GRK4: variants seen among roughly 807,000 people sequenced by gnomAD.
The protein encoded by GRK4 is G protein-coupled receptor kinase 2-like.
In GRK4, 73 loss-of-function variants were observed where a neutral mutation model predicts 77.9. The observed-to-expected ratio is 0.94, with a 90% CI of 0.78 to 1.14. The LOEUF (loss-of-function observed/expected upper bound fraction) is 1.14, where lower values mean the gene tolerates loss of function less well. Among genes scored for constraint, GRK4 ranks in the 50% most tolerant of loss-of-function variants. The pLI, the probability that GRK4 is intolerant of heterozygous loss-of-function variation, is 0.00. For synonymous variants in GRK4, 257 were observed against 254.4 expected (o/e 1.01, Z -0.10); for missense variants, 729 against 700.2 (o/e 1.04, Z -0.46).
intron 10 of GRK4, among the ~76,000 whole-genome samples, chr4:3,024,973 T>C (rs763155653): frequency 1.1e-4 from 17 of 152,050 alleles, no homozygotes; most frequent in Non-Finnish European, 8.8e-5. Context: ...CTCAAATTAA[T>C]TTAAAGTCAC....
intron 7 of GRK4, among the ~76,000 whole-genome samples, chr4:3,010,101 C>A (rs756199543): frequency 1.4e-4 from 21 of 152,110 alleles, no homozygotes; most frequent in Non-Finnish European, 7.4e-5. Context: ...ACTTACGTAA[C>A]CCTACTCTGT....
At chr4:2,964,723 A>T (rs1035194339) in intron 1 of GRK4, among the ~76,000 whole-genome samples, 1 of 152,200 alleles carries the variant, frequency 6.6e-6, no homozygotes, top group African/African-American at 2.4e-5. Context: ...GTGAGGCAGA[A>T]ATTTAAAAAT....
chr4:2,991,878 A>G (rs1398343004), intron 3 of GRK4, among the ~76,000 whole-genome samples: 2 of 152,046 alleles, frequency 1.3e-5, no homozygotes, highest in African/African-American at 4.8e-5. Flanking sequence ...ATTGCTCTAA[A>G]ACTTCATTAA....
chr4:3,030,452 G>T (rs982218392), intron 12 of GRK4, among the ~76,000 whole-genome samples: 1 of 152,068 alleles, frequency 6.6e-6, no homozygotes, highest in African/African-American at 2.4e-5. Context: ...ATTCAACAAG[G>T]ATTTATTGAG....
chr4:2,965,709 A>C, intron 1 of GRK4: 1 of 486,394 alleles, frequency 2.1e-6, no homozygotes, highest in Non-Finnish European at 3.7e-6. Context: ...TCATCTTCTC[A>C]GTATTTTTGT....
intron 4 of GRK4, among the ~76,000 whole-genome samples, chr4:3,001,369 ATTT>A (rs55673089): frequency 0.13 from 10,128 of 76,794 alleles, 549 homozygotes; most frequent in Middle Eastern, 0.22. Context: ...ATATATATAT[ATTT>A]TTTTTTTTTT....
intron 4 of GRK4, among the ~76,000 whole-genome samples, chr4:3,001,007 C>G (rs1428684414): frequency 6.6e-6 from 1 of 150,600 alleles, no homozygotes; most frequent in East Asian, 1.9e-4. Flanking sequence ...GATGCAGGTG[C>G]ACTGGAGAGG....
intron 13 of GRK4, 82 bp downstream of exon 13, chr4:3,035,605 A>T: frequency 6.9e-7 from 1 of 1,453,124 alleles, no homozygotes; most frequent in Non-Finnish European, 9.3e-7. Flanking sequence ...TTTCAAAAAT[A>T]GAGATGGGGG....
intron 4 of GRK4, among the ~76,000 whole-genome samples, chr4:2,994,938 C>T (rs959210894): frequency 5.9e-5 from 9 of 152,128 alleles, no homozygotes; most frequent in African/African-American, 2.2e-4. Context: ...CCCCACATCC[C>T]CCATCCTCCA....
In GRK4 at chr4:2,964,049, C is replaced by T; in HGVS notation, c.-22C>T. 1 of 1,602,618 alleles carries T rather than the reference C, an allele frequency of 6.2e-7. No homozygotes were observed. Among genetic ancestry groups the T allele is most frequent in the Non-Finnish European group, 8.5e-7 (1 of 1,175,494 alleles). On this transcript the variant is annotated 5_prime_UTR_variant, in exon 1 of 16. Transcript: ENST00000398052. ...AGTCTCCTCGGTCTCGCAGAATCCG[C>T]CGGCGGCGGCGGCGCCAGGACATGG...
At chr4:2,973,419 C>A (rs1720162697) in intron 1 of GRK4, among the ~76,000 whole-genome samples, 1 of 152,162 alleles carries the variant, frequency 6.6e-6, no homozygotes, top group Non-Finnish European at 1.5e-5. Context: ...GCAGGCTGGG[C>A]CTCTCCACTC....
Position 2,964,008 on chromosome 4 carries a change from C to A in GRK4, c.-63C>A. The A allele has an allele frequency of 6.7e-7, 1 of 1,490,308 alleles. No individual in the cohort carries two copies. The highest frequency in any genetic ancestry group is 1.8e-5 in the Admixed American group (1 of 54,690). The allele number at this position is 1,490,308 out of a possible 1,614,324, so 92.3% of individuals were successfully genotyped here. A position where few individuals can be genotyped will look rare whatever the true frequency, so the allele number is the denominator to read the frequency against. On this transcript the variant is annotated 5_prime_UTR_variant, in exon 1 of 16. Transcript: ENST00000398052. Reference sequence around the variant, plus strand: ...ATGCACGGGGGCGGCGGCGTCTCCTCCTGTTCCGCCTCCTCAGTCTCCTCG... The same window carrying A: ...ATGCACGGGGGCGGCGGCGTCTCCTACTGTTCCGCCTCCTCAGTCTCCTCG...
At chr4:2,984,213 T>C (rs1230977644) in intron 1 of GRK4, among the ~76,000 whole-genome samples, 1 of 152,208 alleles carries the variant, frequency 6.6e-6, no homozygotes, top group African/African-American at 2.4e-5. Flanking sequence ...ATTTCTTTGA[T>C]AAATACTTAT....
chr4:3,022,913 C>G (rs1243020794), intron 10 of GRK4, among the ~76,000 whole-genome samples: 2 of 152,130 alleles, frequency 1.3e-5, no homozygotes, highest in Non-Finnish European at 2.9e-5. Flanking sequence ...TGTTCTCAAA[C>G]TACTGCCCTC....
chr4:3,036,641 C>T (rs1740722629), intron 13 of GRK4, among the ~76,000 whole-genome samples: 1 of 152,244 alleles, frequency 6.6e-6, no homozygotes, highest in South Asian at 2.1e-4. Flanking sequence ...TCCTGCCTGC[C>T]TGACCCTCTG....
intron 2 of GRK4, among the ~76,000 whole-genome samples, chr4:2,987,495 G>A (rs967116087): frequency 5.3e-5 from 8 of 152,166 alleles, no homozygotes; most frequent in East Asian, 3.8e-4. Flanking sequence ...TGGATATTGC[G>A]TGGACATACC....
intron 4 of GRK4, among the ~76,000 whole-genome samples, chr4:3,000,931 C>T (rs1015674509): frequency 6.6e-6 from 1 of 151,746 alleles, no homozygotes; most frequent in African/African-American, 2.4e-5. Context: ...AGCCTTGCTG[C>T]ATAGAAAGAA....
chr4:3,037,492 C>G lies in GRK4; in HGVS notation c.1526C>G (p.Ser509Cys). Residue 509 changes from serine (S) to cysteine (C), a missense_variant, in exon 14 of 16, where the codon TCC (serine) becomes TGC (cysteine). Physicochemically the swap from Ser to Cys is moderately radical, Grantham distance 112 (BLOSUM62 -1). Transcript: ENST00000398052. ...GCTCGGTTTGCTACCGGGTGTGTCT[C>G]CATCCCCTGGCAGAATGAGGTACTG... ...FYARFATGCV[S>C]IPWQNEMIES... 6.2e-7 allele frequency: 1 copy of G among 1,606,862 alleles called. No individual in the cohort carries two copies.
rs377190005 is a variant in GRK4 at position 3,027,943 on chromosome 4, C to G, written c.1002C>G (p.Ala334=). The part of the protein sequence containing the change: ...GHIRISDLGL[A]TEIPEGQRVR... ...TCCGGATTTCAGACCTCGGTTTGGC[C>G]ACAGAGATCCCAGAAGGACAGAGGG... The change falls in exon 11 of 16, where the codon GCC becomes GCG. Residue 334 remains alanine (A), a synonymous_variant. Coordinates refer to ENST00000398052, the MANE Select transcript of GRK4 (RefSeq NM_182982.3). The G allele has an allele frequency of 2.1e-4, 346 of 1,613,964 alleles. 1 individual carries two copies. The highest frequency in any genetic ancestry group is 2.7e-4 in the Non-Finnish European group (316 of 1,179,998).
Sources: allele counts gnomAD v4.1 joint callset (sites outside exome capture counted in the v4.1 genomes callset), GRCh38; gene constraint gnomAD v4.1.1; transcripts MANE v1.5; gene names NCBI Gene and HGNC (gene_info 2026-07-23, HGNC 2026-07-21).